Variants in KCNH8 observed in about 807,000 individuals in gnomAD.
KCNH8 encodes potassium voltage-gated channel subfamily H member 8, also known as voltage-gated delayed rectifier potassium channel KCNH8.
Under a neutral mutation model 103.6 loss-of-function variants are expected in KCNH8, and 70 were observed. The ratio of observed to expected loss-of-function variants is 0.68; its 90% CI spans 0.56 to 0.82. The LOEUF is 0.82. Among genes scored for constraint, KCNH8 ranks in the 40% least tolerant of loss-of-function variants. The probability of loss-of-function intolerance (pLI) is 0.00; values close to 1 mark genes in which losing one functional copy is unlikely to be tolerated. For missense variants in KCNH8, 1,217 were observed against 1,329.9 expected (o/e 0.92, Z 1.32); for synonymous variants, 498 against 489.4 (o/e 1.02, Z -0.23).
intron 13 of KCNH8, among the ~76,000 whole-genome samples, chr3:19,514,968 T>G (rs1337801091): frequency 6.6e-6 from 1 of 151,848 alleles, no homozygotes; most frequent in South Asian, 2.1e-4. Context: ...AGCTACATTT[T>G]TAAGCGTGAT....
chr3:19,488,090 A>G (rs903839587), intron 11 of KCNH8, among the ~76,000 whole-genome samples: 2 of 152,214 alleles, frequency 1.3e-5, no homozygotes. Context: ...TCAGTCTAAT[A>G]GCCCTTCAGC....
intron 10 of KCNH8, among the ~76,000 whole-genome samples, chr3:19,451,677 A>G (rs2067450275): frequency 6.6e-6 from 1 of 152,208 alleles, no homozygotes; most frequent in African/African-American, 2.4e-5. Context: ...CTAGTAAGAA[A>G]ATAAACTCAG....
chr3:19,252,208 TA>T (rs1284338598), intron 1 of KCNH8, among the ~76,000 whole-genome samples: 1 of 152,180 alleles, frequency 6.6e-6, no homozygotes. Flanking sequence ...ATATTCAAAT[TA>T]AATCTCAAAA....
At chr3:19,153,670 T>TC (rs967473641) in intron 1 of KCNH8, among the ~76,000 whole-genome samples, 1 of 150,146 alleles carries the variant, frequency 6.7e-6, no homozygotes, top group African/African-American at 2.5e-5. Context: ...TCTCACTCTG[T>TC]CGCACAGGCT....
At chr3:19,326,819 T>C (rs867246197) in intron 3 of KCNH8, among the ~76,000 whole-genome samples, 3 of 152,224 alleles carry the variant, frequency 2.0e-5, no homozygotes, top group South Asian at 4.1e-4. Flanking sequence ...AAATAGTTTT[T>C]ATATTTTATG....
At chr3:19,279,568 TAAAAAA>T (rs55996488) in intron 2 of KCNH8, among the ~76,000 whole-genome samples, 4 of 142,506 alleles carry the variant, frequency 2.8e-5, no homozygotes, top group African/African-American at 1.0e-4. Flanking sequence ...GCCATAGGGC[TAAAAAA>T]AAAAAAAAAA....
At chr3:19,168,710 A>T (rs184328136) in intron 1 of KCNH8, among the ~76,000 whole-genome samples, 1 of 152,300 alleles carries the variant, frequency 6.6e-6, no homozygotes, top group African/African-American at 2.4e-5. Flanking sequence ...CATTCGTGTA[A>T]CTATCGTTTT....
chr3:19,310,180 G>A lies in KCNH8; in HGVS notation c.442+28851G>A, dbSNP rs561020714. 6.6e-5 allele frequency among the ~76,000 whole-genome samples: 10 copies of A among 152,032 alleles called. 1 individual carries two copies. The South Asian group carries it at 1.2e-3, about 19-fold the overall frequency. ...GAATGTGTGAATATGTGAACAATCAGCATACTGATTACCATGGTATTTGAG... is the reference window on the plus strand; with the variant it reads ...GAATGTGTGAATATGTGAACAATCAACATACTGATTACCATGGTATTTGAG... On this transcript the variant is annotated intron_variant, in intron 3 of 15. Transcript: ENST00000328405.
Position 19,239,958 on chromosome 3 carries a change from C to T in KCNH8, c.77-13696C>T, listed in dbSNP as rs139266160. The stretch of plus-strand genomic sequence containing the variant: ...ATCATCCTTTTAGCTAGAGCATATT[C>T]AGTATCACAACCAATGCCTTCCCCA... On this transcript the variant is annotated intron_variant, in intron 1 of 15. Coordinates refer to ENST00000328405, the MANE Select transcript of KCNH8 (RefSeq NM_144633.3). Among the ~76,000 whole-genome samples, 5 of 152,240 alleles carry T rather than the reference C, an allele frequency of 3.3e-5. No individual in the cohort carries two copies. In the East Asian group the frequency reaches 7.7e-4, roughly 24 times the overall value.
intron 3 of KCNH8, among the ~76,000 whole-genome samples, chr3:19,282,422 G>A (rs2064769822): frequency 6.6e-6 from 1 of 152,114 alleles, no homozygotes; most frequent in Non-Finnish European, 1.5e-5. Flanking sequence ...GGTGTGTATA[G>A]TTTTTGCTTT....
At chr3:19,159,608 G>T (rs764426497) in intron 1 of KCNH8, among the ~76,000 whole-genome samples, 9 of 152,034 alleles carry the variant, frequency 5.9e-5, no homozygotes. Flanking sequence ...CTGTGGCCTT[G>T]TCTAATAGTG....
chr3:19,409,456 A>G (rs756268047), intron 7 of KCNH8, among the ~76,000 whole-genome samples: 2 of 152,156 alleles, frequency 1.3e-5, no homozygotes, highest in Non-Finnish European at 2.9e-5. Context: ...GCAAAAATAC[A>G]ATAGAAATTA....
At chr3:19,172,513 CA>C (rs2063358221) in intron 1 of KCNH8, among the ~76,000 whole-genome samples, 1 of 152,136 alleles carries the variant, frequency 6.6e-6, no homozygotes. Flanking sequence ...ATTCAGGAGC[CA>C]TCATTACCAG....
In KCNH8 at chr3:19,450,179, TCA is replaced by T; in HGVS notation, c.1453_1454del (p.Thr485Ter). On this transcript the variant is annotated frameshift_variant, in exon 9 of 16. Coordinates refer to ENST00000328405, the MANE Select transcript of KCNH8 (RefSeq NM_144633.3). LOFTEE classifies it high-confidence loss of function. Reference sequence around the variant, plus strand: ...GGATGTACTCCAGATGGTCCCTCTATCACACTAGAACTAAGGATCTGAAAGAT... The same window carrying T: ...GGATGTACTCCAGATGGTCCCTCTATCACTAGAACTAAGGATCTGAAAGAT... ...QRMYSRWSLY[H>X]TRTKDLKDFI... The T allele has an allele frequency of 6.2e-7, 1 of 1,613,692 alleles. No homozygotes were observed. Among genetic ancestry groups the T allele is most frequent in the Non-Finnish European group, 8.5e-7 (1 of 1,179,774 alleles).
chr3:19,166,710 G>A (rs147600138), intron 1 of KCNH8, among the ~76,000 whole-genome samples: 22 of 152,314 alleles, frequency 1.4e-4, no homozygotes, highest in African/African-American at 4.8e-4. Context: ...AAGAAAATCA[G>A]TAGGTTCTTT....
intron 7 of KCNH8, among the ~76,000 whole-genome samples, chr3:19,413,357 GC>G (rs2066811868): frequency 6.6e-6 from 1 of 151,896 alleles, no homozygotes; most frequent in South Asian, 2.1e-4. Context: ...TATGGAAACA[GC>G]AGCAACTGGG....
rs118027251 is a variant in KCNH8, at chr3:19,445,072, T to C, written c.1376-5034T>C. 5.9e-5 allele frequency among the ~76,000 whole-genome samples: 9 copies of C among 152,128 alleles called. No homozygotes were observed. The East Asian group carries it at 1.7e-3, about 29-fold the overall frequency. On this transcript the variant is annotated intron_variant, in intron 8 of 15. Coordinates refer to ENST00000328405, the MANE Select transcript of KCNH8 (RefSeq NM_144633.3). Reference sequence around the variant, plus strand: ...TTTTGTAAGAATCTCAAACTGGGAATGTCCATTAATAGGAGAATAAATAAG... The same window carrying C: ...TTTTGTAAGAATCTCAAACTGGGAACGTCCATTAATAGGAGAATAAATAAG...
At chr3:19,433,476 C>T (rs1481094009) in intron 7 of KCNH8, among the ~76,000 whole-genome samples, 2 of 152,120 alleles carry the variant, frequency 1.3e-5, no homozygotes, top group African/African-American at 4.8e-5. Flanking sequence ...TTCACAAAAT[C>T]TTAGATGTGA....
chr3:19,407,825 T>C (rs1197747403), intron 7 of KCNH8, among the ~76,000 whole-genome samples: 2 of 152,064 alleles, frequency 1.3e-5, no homozygotes, highest in African/African-American at 4.8e-5. Context: ...TCTCCTAGAT[T>C]GAGCTTCAGC....
Sources: allele counts gnomAD v4.1 joint callset (sites outside exome capture counted in the v4.1 genomes callset), GRCh38; gene constraint gnomAD v4.1.1; transcripts MANE v1.5; gene names NCBI Gene and HGNC (gene_info 2026-07-23, HGNC 2026-07-21).